The following CACNA1G variants were observed in gnomAD, a reference collection of about 807,000 sequenced individuals.
CACNA1G encodes voltage-dependent T-type calcium channel subunit alpha-1G.
Under a neutral mutation model 219.4 loss-of-function variants are expected in CACNA1G, and 67 were observed. That is an observed-to-expected ratio of 0.31 (90% CI 0.25 to 0.37). The LOEUF is 0.37. Ranked by LOEUF, CACNA1G falls within the 10% of genes least tolerant of loss-of-function variation. CACNA1G has a pLI of 1.00. For missense variants in CACNA1G, 2,380 were observed against 3,231.4 expected (o/e 0.74, Z 6.39); for synonymous variants, 1,296 against 1,345.3 (o/e 0.96, Z 0.80).
chr17:50,606,109 G>C (rs1157127260), intron 23 of CACNA1G, 86 bp downstream of exon 23: 2 of 1,555,930 alleles, frequency 1.3e-6, no homozygotes, highest in East Asian at 4.5e-5. Flanking sequence ...GCTGACTCCG[G>C]TGGAGGTGGG....
intron 33 of CACNA1G, among the ~76,000 whole-genome samples, 163 bp from the exon 34 acceptor site, chr17:50,619,518 CTG>C (rs372507478): frequency 6.7e-6 from 1 of 150,202 alleles, no homozygotes; most frequent in Non-Finnish European, 1.5e-5. Context: ...CTCTTTGTTG[CTG>C]TGTGTGTTTT....
In CACNA1G at chr17:50,604,164, C is replaced by T. The variant is rs774094753; in HGVS notation, c.4179C>T (p.Ser1393=). The T allele has an allele frequency of 6.2e-7, 1 of 1,613,350 alleles. No homozygotes were observed. Among genetic ancestry groups the T allele is most frequent in the Non-Finnish European group, 8.5e-7 (1 of 1,179,446 alleles). Residue 1393 remains serine (S), a synonymous_variant, in exon 22 of 38, where the codon AGC becomes AGT. Transcript: ENST00000359106. ...TCCCTCCCCTCCCCAGGGTGATCAG[C>T]CGGGCGCAGGGGCTGAAGCTGGTGG... ...LRTLRPLRVI[S]RAQGLKLVVE...
rs916598276 is a variant in CACNA1G, at chr17:50,561,409, G to A, written c.-51G>A. On this transcript the variant is annotated 5_prime_UTR_variant, in exon 1 of 38. Transcript: ENST00000359106. ...GTTGCGTGAGGACACCTCCTCTGAGGGGCGCCGCTTGCCCCTCTCCGGATC... is the reference window on the plus strand; with the variant it reads ...GTTGCGTGAGGACACCTCCTCTGAGAGGCGCCGCTTGCCCCTCTCCGGATC... The A allele has an allele frequency of 6.5e-7, 1 of 1,532,716 alleles. No individual in the cohort carries two copies. The highest frequency in any genetic ancestry group is 1.4e-5 in the African/African-American group (1 of 72,932). The allele number at this position is 1,532,716 out of a possible 1,614,324, so 94.9% of individuals were successfully genotyped here. A position where few individuals can be genotyped will look rare whatever the true frequency, so the allele number is the denominator to read the frequency against.
chr17:50,622,872 C>T (rs1285131077), intron 35 of CACNA1G, among the ~76,000 whole-genome samples: 4 of 152,154 alleles, frequency 2.6e-5, no homozygotes, highest in Non-Finnish European at 5.9e-5. Context: ...AAGTGGAGGT[C>T]AGGGAGCCAG....
chr17:50,564,756 C>G (rs987702499), intron 1 of CACNA1G, among the ~76,000 whole-genome samples: 3 of 152,148 alleles, frequency 2.0e-5, no homozygotes, highest in African/African-American at 7.2e-5. Flanking sequence ...TTCTTCCTGT[C>G]TCTTCATCAA....
At chr17:50,584,908 A>G (rs560442764) in intron 9 of CACNA1G, among the ~76,000 whole-genome samples, 28 of 152,264 alleles carry the variant, frequency 1.8e-4, no homozygotes, top group African/African-American at 6.5e-4. Flanking sequence ...CACCACCCAC[A>G]GGGAATCACT....
At chr17:50,592,536 G>C (rs1033107900) in intron 13 of CACNA1G, among the ~76,000 whole-genome samples, 3 of 152,222 alleles carry the variant, frequency 2.0e-5, no homozygotes. Context: ...TAAGACCAGA[G>C]CAGGGCTGAG....
At position 50,621,610 on chromosome 17, in the gene CACNA1G, G is replaced by C; in HGVS notation, c.5926-50G>C. 6.2e-7 allele frequency: 1 copy of C among 1,601,606 alleles called. No individual in the cohort carries two copies. The highest frequency in any genetic ancestry group is 8.5e-7 in the Non-Finnish European group (1 of 1,171,398). On this transcript the variant is annotated intron_variant, in intron 34 of 37. Transcript: ENST00000359106. This position sits in a 1 kb window ranked among gnomAD's most constrained non-coding sequence, Gnocchi z 4.6. ...AGCGCGTGTGTGCGTGTGCACGCGCGTGTGCGCTGTCCTGGTTTCTCATGC... is the reference window on the plus strand; with the variant it reads ...AGCGCGTGTGTGCGTGTGCACGCGCCTGTGCGCTGTCCTGGTTTCTCATGC...
chr17:50,591,375 G>A (rs991957131), intron 10 of CACNA1G, 60 bp from the exon 11 acceptor site: 112 of 1,435,654 alleles, frequency 7.8e-5, no homozygotes, highest in Non-Finnish European at 7.8e-5. Context: ...AGTCCTCTCC[G>A]AGGGAGTAGG....
At chr17:50,563,100 G>T (rs1167721952) in intron 1 of CACNA1G, 2 of 152,460 alleles carry the variant, frequency 1.3e-5, no homozygotes, top group Admixed American at 1.3e-4. Context: ...GGGAAGGGGG[G>T]TGGAAGGTTG....
rs61075214 is a variant in CACNA1G, at chr17:50,596,668, C to T, written c.3064+22C>T. ...GCCTGTGAGTACCTATCCTGGGGTGCGACTTTTGGCCCTGGGCCAGCCCTG... is the reference window on the plus strand; with the variant it reads ...GCCTGTGAGTACCTATCCTGGGGTGTGACTTTTGGCCCTGGGCCAGCCCTG... On this transcript the variant is annotated intron_variant, in intron 15 of 37. Transcript: ENST00000359106. The surrounding 1 kb of genome is among the most constrained non-coding windows in gnomAD (Gnocchi z 4.8). 3.4e-5 allele frequency: 55 copies of T among 1,613,278 alleles called. No homozygotes were observed. Among genetic ancestry groups the T allele is most frequent in the African/African-American group, 9.3e-5 (7 of 74,892 alleles).
At chr17:50,616,422 A>G (rs887548559) in intron 28 of CACNA1G, 38 bp downstream of exon 28, 1 of 1,230,052 alleles carries the variant, frequency 8.1e-7, no homozygotes, top group Admixed American at 1.7e-5. Flanking sequence ...ACTTGCGTAG[A>G]GATAGAAAGG....
At chr17:50,610,876 G>C (rs770510442) in intron 26 of CACNA1G, among the ~76,000 whole-genome samples, 5 of 152,184 alleles carry the variant, frequency 3.3e-5, no homozygotes, top group African/African-American at 4.8e-5. Context: ...TGATGGCAAA[G>C]AAAGACCATT....
intron 1 of CACNA1G, among the ~76,000 whole-genome samples, chr17:50,565,777 A>G (rs1567948469): frequency 1.3e-5 from 2 of 151,982 alleles, no homozygotes. Flanking sequence ...AAAGCCCCAC[A>G]CAGAGGACTC....
Position 50,618,105 on chromosome 17 carries a change from G to A in CACNA1G, c.5284G>A (p.Val1762Met). 6.2e-7 allele frequency: 1 copy of A among 1,613,944 alleles called. No individual in the cohort carries two copies. The highest frequency in any genetic ancestry group is 1.3e-5 in the African/African-American group (1 of 75,026). The change falls in exon 31 of 38, where the codon GTG becomes ATG. Residue 1762 changes from valine (V) to methionine (M), a missense_variant. Physicochemically the swap from Val to Met is conservative, Grantham distance 21. Transcript: ENST00000359106. The surrounding 1 kb of genome is among the most constrained non-coding windows in gnomAD (Gnocchi z 5.3). ...LLFFIFAALG[V>M]ELFGDLECDE... ...GTTTTTCATCTTTGCAGCTCTGGGCGTGGAGCTCTTTGGAGACCTGGGTGA... is the reference window on the plus strand; with the variant it reads ...GTTTTTCATCTTTGCAGCTCTGGGCATGGAGCTCTTTGGAGACCTGGGTGA...
rs373089841 is a variant in CACNA1G at position 50,571,859 on chromosome 17, G to A, written c.587-19G>A. The A allele has an allele frequency of 4.7e-5, 75 of 1,612,386 alleles. No homozygotes were observed. The highest frequency in any genetic ancestry group is 1.6e-4 in the Middle Eastern group (1 of 6,080). ...GCCCGGCCAGCCTGGTGTCCCCAGC[G>A]TGGCTTCTGCCCCCACAGGCATGCG... On this transcript the variant is annotated intron_variant, in intron 4 of 37. Transcript: ENST00000359106. The surrounding 1 kb of genome is among the most constrained non-coding windows in gnomAD (Gnocchi z 4.3).
At chr17:50,622,306 C>T (rs985269917) in intron 35 of CACNA1G, among the ~76,000 whole-genome samples, 2 of 152,060 alleles carry the variant, frequency 1.3e-5, no homozygotes, top group Non-Finnish European at 2.9e-5. Flanking sequence ...TCACTGTCCC[C>T]GTGTGTCCCT....
Position 50,619,018 on chromosome 17 carries a change from C to T in CACNA1G, c.5781+10C>T, listed in dbSNP as rs1486762671. 1.3e-6 allele frequency: 2 copies of T among 1,505,138 alleles called. No individual in the cohort carries two copies. 93.2% of individuals were successfully genotyped at this position (1,505,138 alleles called of 1,614,324 possible). A position where few individuals can be genotyped will look rare whatever the true frequency, so the allele number is the denominator to read the frequency against. On this transcript the variant is annotated intron_variant, in intron 33 of 37. Transcript: ENST00000359106. ...CCTGGAGCACCCCACGGTGAGCAGA[C>T]ACCCACCCCAGCCGTGAGAGGAGCT...
At chr17:50,625,199 G>A (rs754374424) in intron 37 of CACNA1G, among the ~76,000 whole-genome samples, 3 of 152,144 alleles carry the variant, frequency 2.0e-5, no homozygotes, top group Non-Finnish European at 4.4e-5. Flanking sequence ...TGATCTGGCC[G>A]CCTCGGCCAC....
Sources: allele counts gnomAD v4.1 joint callset (sites outside exome capture counted in the v4.1 genomes callset), GRCh38; gene constraint gnomAD v4.1.1; non-coding constraint Gnocchi (gnomAD v3.1); transcripts MANE v1.5; gene names NCBI Gene and HGNC (gene_info 2026-07-23, HGNC 2026-07-21).